The following ARHGAP15 variants were observed in gnomAD, a reference collection of about 807,000 sequenced individuals.
The protein encoded by ARHGAP15 is Rho GTPase activating protein 15.
A neutral mutation model predicts 63.7 loss-of-function variants in ARHGAP15; 51 were observed. That is an observed-to-expected ratio of 0.80 (90% CI 0.64 to 1.01). The LOEUF is 1.01. Among genes scored for constraint, ARHGAP15 ranks in the 50% least tolerant of loss-of-function variants. The pLI is 0.00. For synonymous variants in ARHGAP15, 191 were observed against 193.8 expected (o/e 0.99, Z 0.12); for missense variants, 560 against 564.6 (o/e 0.99, Z 0.08).
intron 13 of ARHGAP15, among the ~76,000 whole-genome samples, chr2:143,746,984 C>T (rs1258537547): frequency 6.6e-6 from 1 of 152,092 alleles, no homozygotes; most frequent in Non-Finnish European, 1.5e-5. Context: ...TGGATGCTAT[C>T]TGCTTTATCA....
intron 2 of ARHGAP15, among the ~76,000 whole-genome samples, chr2:143,167,563 A>G (rs115762393): frequency 6.6e-6 from 1 of 152,108 alleles, no homozygotes; most frequent in African/African-American, 2.4e-5. Context: ...TGCCCTTTCT[A>G]ACTCTGAGCC....
At chr2:143,428,821 G>T (rs191265578) in intron 6 of ARHGAP15, among the ~76,000 whole-genome samples, 1 of 152,196 alleles carries the variant, frequency 6.6e-6, no homozygotes, top group East Asian at 1.9e-4. Flanking sequence ...AATGGGGGCA[G>T]CAGATTCCCA....
intron 13 of ARHGAP15, among the ~76,000 whole-genome samples, chr2:143,750,358 T>C (rs907065347): frequency 6.6e-6 from 1 of 152,120 alleles, no homozygotes; most frequent in African/African-American, 2.4e-5. Context: ...GGAGAACTGC[T>C]TGAACCAGGG....
chr2:143,623,822 G>A (rs947183162), intron 11 of ARHGAP15, among the ~76,000 whole-genome samples: 2 of 152,252 alleles, frequency 1.3e-5, no homozygotes, highest in Non-Finnish European at 2.9e-5. Context: ...TTTGAATCAT[G>A]TTGAGCTGTG....
chr2:143,206,885 A>C (rs1558813643), intron 3 of ARHGAP15, among the ~76,000 whole-genome samples: 1 of 152,042 alleles, frequency 6.6e-6, no homozygotes, highest in Non-Finnish European at 1.5e-5. Context: ...ACATGGCAAA[A>C]GTTAGGCTGA....
intron 2 of ARHGAP15, among the ~76,000 whole-genome samples, chr2:143,191,701 G>A (rs1161958223): frequency 6.6e-6 from 1 of 152,166 alleles, no homozygotes; most frequent in Non-Finnish European, 1.5e-5. Context: ...TCAGATTAAT[G>A]AGTTTTGGAT....
intron 6 of ARHGAP15, among the ~76,000 whole-genome samples, chr2:143,369,932 A>G (rs1158494460): frequency 6.6e-6 from 1 of 152,104 alleles, no homozygotes. Context: ...GTAGATGTAA[A>G]TCCTGAATTG....
intron 7 of ARHGAP15, among the ~76,000 whole-genome samples, chr2:143,436,291 T>C (rs886799943): frequency 1.3e-5 from 2 of 152,164 alleles, no homozygotes; most frequent in African/African-American, 4.8e-5. Context: ...CACTAATATT[T>C]GCAAAATTTT....
At chr2:143,735,958 A>G (rs915959533) in intron 13 of ARHGAP15, among the ~76,000 whole-genome samples, 6 of 152,230 alleles carry the variant, frequency 3.9e-5, no homozygotes, top group Non-Finnish European at 8.8e-5. Flanking sequence ...GACAAGGCTT[A>G]TGAAGAATAT....
At chr2:143,447,807 G>A (rs1690214037) in intron 8 of ARHGAP15, among the ~76,000 whole-genome samples, 1 of 152,166 alleles carries the variant, frequency 6.6e-6, no homozygotes, top group Non-Finnish European at 1.5e-5. Flanking sequence ...GAGCATGAGA[G>A]GGGAACCCTG....
At chr2:143,217,506 C>T (rs1338882887) in intron 4 of ARHGAP15, among the ~76,000 whole-genome samples, 1 of 152,126 alleles carries the variant, frequency 6.6e-6, no homozygotes, top group Admixed American at 6.6e-5. Context: ...CCTGCAGCCA[C>T]CTTCCCTTGA....
intron 6 of ARHGAP15, among the ~76,000 whole-genome samples, chr2:143,427,044 T>A (rs1689164799): frequency 6.6e-6 from 1 of 152,182 alleles, no homozygotes; most frequent in Non-Finnish European, 1.5e-5. Flanking sequence ...AGGTAAAGTA[T>A]GTGAAAACCT....
At chr2:143,157,981 A>G (rs1690148322) in intron 2 of ARHGAP15, among the ~76,000 whole-genome samples, 1 of 151,860 alleles carries the variant, frequency 6.6e-6, no homozygotes, top group African/African-American at 2.4e-5. Context: ...CTGTACAGAA[A>G]AAAATCAAAA....
At chr2:143,512,515 C>T (rs912259158) in intron 9 of ARHGAP15, among the ~76,000 whole-genome samples, 2 of 152,232 alleles carry the variant, frequency 1.3e-5, no homozygotes, top group Non-Finnish European at 2.9e-5. Context: ...CTACCATACT[C>T]TTCCTAGCCA....
rs532541463 is a variant in ARHGAP15 at position 143,536,174 on chromosome 2, C to G, written c.925+16810C>G. On this transcript the variant is annotated intron_variant, in intron 10 of 13. Coordinates refer to ENST00000295095, the MANE Select transcript of ARHGAP15 (RefSeq NM_018460.4). ...TTCTAGCTAATTATAATTATGTATCCTTTGACCAACATTTTCTCATTCCTA... is the reference window on the plus strand; with the variant it reads ...TTCTAGCTAATTATAATTATGTATCGTTTGACCAACATTTTCTCATTCCTA... Among the ~76,000 whole-genome samples, 51 of 152,212 alleles carry G rather than the reference C, an allele frequency of 3.4e-4. 1 individual carries two copies. The highest frequency in any genetic ancestry group is 1.1e-3 in the African/African-American group (47 of 41,520).
intron 6 of ARHGAP15, among the ~76,000 whole-genome samples, chr2:143,426,315 G>GT (rs1689136052): frequency 6.6e-6 from 1 of 152,084 alleles, no homozygotes; most frequent in African/African-American, 2.4e-5. Context: ...ATTTGCTCAA[G>GT]TGTTCCCTTT....
At chr2:143,570,668 A>G (rs1696411990) in intron 11 of ARHGAP15, among the ~76,000 whole-genome samples, 2 of 152,256 alleles carry the variant, frequency 1.3e-5, no homozygotes, top group African/African-American at 4.8e-5. Context: ...AACAATAGCA[A>G]GAAATACATA....
intron 6 of ARHGAP15, among the ~76,000 whole-genome samples, chr2:143,273,564 C>A (rs946477731): frequency 6.6e-6 from 1 of 151,998 alleles, no homozygotes; most frequent in African/African-American, 2.4e-5. Flanking sequence ...TATGAACAGG[C>A]CACTTACTAG....
At chr2:143,664,102 A>T (rs1406239350) in intron 12 of ARHGAP15, among the ~76,000 whole-genome samples, 3 of 152,082 alleles carry the variant, frequency 2.0e-5, no homozygotes, top group African/African-American at 7.2e-5. Flanking sequence ...AAATCAACAG[A>T]ATATACATTT....
Sources: gnomAD v4.1 joint callset for allele counts (sites outside exome capture counted in the v4.1 genomes callset) on GRCh38, gnomAD v4.1.1 for gene constraint, MANE v1.5 for transcripts, NCBI Gene and HGNC (gene_info 2026-07-23, HGNC 2026-07-21) for gene names.